The following C22orf31 variants were observed in gnomAD, a reference collection of about 807,000 sequenced individuals.
C22orf31 encodes the protein uncharacterized protein C22orf31.
A neutral mutation model predicts 15.0 loss-of-function variants in C22orf31; 11 were observed. That is an observed-to-expected ratio of 0.73 (90% CI 0.46 to 1.21). The LOEUF is 1.21. C22orf31 is among the 50% of genes most tolerant of loss of function. C22orf31 has a pLI of 0.00. For missense variants in C22orf31, 340 were observed against 347.2 expected (o/e 0.98, Z 0.17); for synonymous variants, 132 against 133.3 (o/e 0.99, Z 0.07).
At chr22:29,059,566 C>T (rs750607490) in intron 2 of C22orf31, 44 of 393,160 alleles carry the variant, frequency 1.1e-4, no homozygotes, top group Non-Finnish European at 1.4e-4. Flanking sequence ...GCCGTTATCC[C>T]CCATTTAATA....
the C22orf31 span, chr22:29,073,303 G>C: frequency 3.8e-6 from 2 of 532,406 alleles, no homozygotes; most frequent in Non-Finnish European, 5.2e-6. This position sits in a 1 kb window ranked among gnomAD's most constrained non-coding sequence, Gnocchi z 4.4. Context: ...GCCGGCCTGA[G>C]AGCCCCCTCC....
upstream of C22orf31, among the ~76,000 whole-genome samples, chr22:29,066,195 G>T (rs937312236): frequency 1.3e-5 from 2 of 151,992 alleles, no homozygotes; most frequent in African/African-American, 4.8e-5. Context: ...TTATGGCCCT[G>T]CCCCACCCAT....
upstream of C22orf31, among the ~76,000 whole-genome samples, chr22:29,066,079 A>G (rs1263146046): frequency 6.6e-6 from 1 of 150,972 alleles, no homozygotes; most frequent in Admixed American, 6.6e-5. Flanking sequence ...TTCCTTTACT[A>G]CGACCTTTCT....
Position 29,060,853 on chromosome 22 carries a change from T to C in C22orf31, c.4-10A>G, listed in dbSNP as rs1569304492. 3 of 1,602,330 alleles carry C rather than the reference T, an allele frequency of 1.9e-6. No homozygotes were observed. The highest frequency in any genetic ancestry group is 1.3e-5 in the African/African-American group (1 of 74,542). On this transcript the variant is annotated splice_polypyrimidine_tract_variant and intron_variant, in intron 1 of 2. Coordinates refer to ENST00000216071, the MANE Select transcript of C22orf31 (RefSeq NM_015370.2). The stretch of plus-strand genomic sequence containing the variant: ...TCACATTGATTGGGTGCTAGAATTA[T>C]AAGGAGGGAGAAATGAATTTTAAAA...
At chr22:29,072,715 G>T in the C22orf31 span, among the ~76,000 whole-genome samples, 1 of 152,198 alleles carries the variant, frequency 6.6e-6, no homozygotes, top group Non-Finnish European at 1.5e-5. Context: ...GTCACTGGGA[G>T]CCCGGCCTAT....
At chr22:29,060,990 C>T (rs2037385275) in intron 1 of C22orf31, 147 bp from the exon 2 acceptor site, 2 of 673,396 alleles carry the variant, frequency 3.0e-6, no homozygotes, top group Non-Finnish European at 5.0e-6. Context: ...ATGTCCTCTC[C>T]TGTTCACCAA....
chr22:29,060,576 G>A lies in C22orf31; in HGVS notation c.271C>T (p.Pro91Ser), dbSNP rs780116348. The A allele has an allele frequency of 5.0e-6, 8 of 1,614,126 alleles. No individual in the cohort carries two copies. The highest frequency in any genetic ancestry group is 2.2e-5 in the East Asian group (1 of 44,884). The change falls in exon 2 of 3, where the codon CCA becomes TCA. Residue 91 changes from proline to serine, a missense_variant. Physicochemically the swap from Pro to Ser is moderately conservative, Grantham distance 74. Coordinates refer to ENST00000216071, the MANE Select transcript of C22orf31 (RefSeq NM_015370.2). ...LRRQLKNKCCPPPCKFGEGKL... is the reference protein window; with the variant it reads ...LRRQLKNKCCSPPCKFGEGKL... ...CCTTCTCCAAACTTGCATGGTGGTG[G>A]GCAGCACTTATTCTTCAGTTGCCGC... is the stretch of plus-strand genomic sequence containing the variant.
chr22:29,071,451 C>A, the C22orf31 span, among the ~76,000 whole-genome samples: 2 of 151,722 alleles, frequency 1.3e-5, no homozygotes, highest in African/African-American at 4.8e-5. Context: ...GGGGGTGGCG[C>A]CCGGGGGTTG....
At chr22:29,062,441 G>A (rs758403838), upstream of C22orf31, among the ~76,000 whole-genome samples, 4 of 152,148 alleles carry the variant, frequency 2.6e-5, no homozygotes, top group Non-Finnish European at 5.9e-5. Context: ...TACATCCCAT[G>A]GCAAATGCAG....
At chr22:29,066,857 AGC>A in the C22orf31 span, among the ~76,000 whole-genome samples, 75 of 151,992 alleles carry the variant, frequency 4.9e-4, 2 homozygotes, top group Admixed American at 1.0e-3. Context: ...CACCGCGCCC[AGC>A]CAACGCCTCC....
Position 29,058,740 on chromosome 22 carries a change from T to G in C22orf31, c.*2A>C, listed in dbSNP as rs777861593. 5 of 1,601,660 alleles carry G rather than the reference T, an allele frequency of 3.1e-6. No homozygotes were observed. In the South Asian group the frequency reaches 5.6e-5, roughly 18 times the overall value. ...ATACTCTAATCCCATGAGTTCTTGT[T>G]CCTATTTTTTGCTCTTTAACTTGGG... On this transcript the variant is annotated 3_prime_UTR_variant, in exon 3 of 3. Coordinates refer to ENST00000216071, the MANE Select transcript of C22orf31 (RefSeq NM_015370.2).
rs1248701859 is a variant in C22orf31, at chr22:29,059,121, G to T, written c.494C>A (p.Ala165Asp). The part of the protein sequence containing the change: ...TVRQDLEDRY[A>D]EHVAATQALP... Reference sequence around the variant, plus strand: ...CGCTTGGGTGGCAGCCACATGTTCAGCATATCTGTCCTCAAGATCTTGGCG... The same window carrying T: ...CGCTTGGGTGGCAGCCACATGTTCATCATATCTGTCCTCAAGATCTTGGCG... The change falls in exon 3 of 3, where the codon GCT becomes GAT. Residue 165 changes from alanine (A) to aspartate (D), a missense_variant. Transcript: ENST00000216071. 6.2e-7 allele frequency: 1 copy of T among 1,613,956 alleles called. No individual in the cohort carries two copies.
chr22:29,061,992 T>C (rs1181619723), upstream of C22orf31: 3 of 519,622 alleles, frequency 5.8e-6, no homozygotes, highest in Admixed American at 1.1e-4. Flanking sequence ...CTTTGAGCCA[T>C]TATCTCTAGT....
At chr22:29,060,180 T>A (rs1479987374) in intron 2 of C22orf31, among the ~76,000 whole-genome samples, 1 of 150,492 alleles carries the variant, frequency 6.6e-6, no homozygotes, top group Admixed American at 6.6e-5. Flanking sequence ...CACAGGCATG[T>A]GCATCATGCC....
the C22orf31 span, among the ~76,000 whole-genome samples, chr22:29,070,994 C>G: frequency 6.6e-6 from 1 of 152,122 alleles, no homozygotes; most frequent in East Asian, 1.9e-4. Context: ...GGGCTGAGAG[C>G]TTCACCTGCA....
At position 29,058,734 on chromosome 22, in the gene C22orf31, T is replaced by C. The variant is rs755205375; in HGVS notation, c.*8A>G. ...CAGAGAATACTCTAATCCCATGAGTTCTTGTTCCTATTTTTTGCTCTTTAA... is the reference window on the plus strand; with the variant it reads ...CAGAGAATACTCTAATCCCATGAGTCCTTGTTCCTATTTTTTGCTCTTTAA... On this transcript the variant is annotated 3_prime_UTR_variant, in exon 3 of 3. Transcript: ENST00000216071. 1 of 1,597,954 alleles carries C rather than the reference T, an allele frequency of 6.3e-7. No individual in the cohort carries two copies. The highest frequency in any genetic ancestry group is 2.2e-5 in the East Asian group (1 of 44,774).
upstream of C22orf31, among the ~76,000 whole-genome samples, chr22:29,064,326 C>T (rs2037414645): frequency 6.6e-6 from 1 of 152,138 alleles, no homozygotes; most frequent in Admixed American, 6.6e-5. Context: ...TGATGGCATC[C>T]CAGATCCATC....
At chr22:29,061,652 C>T (rs189868891) in intron 1 of C22orf31, 138 bp downstream of exon 1, 40 of 623,102 alleles carry the variant, frequency 6.4e-5, no homozygotes, top group Admixed American at 1.8e-4. Flanking sequence ...AAAAGCAACA[C>T]GAAAACATTA....
chr22:29,064,645 C>A (rs1000983241), upstream of C22orf31, among the ~76,000 whole-genome samples: 2 of 142,568 alleles, frequency 1.4e-5, no homozygotes, highest in African/African-American at 2.6e-5. Flanking sequence ...TCCCAAGTAG[C>A]TGGGATCACA....
Sources: gnomAD v4.1 joint callset for allele counts (sites outside exome capture counted in the v4.1 genomes callset) on GRCh38, gnomAD v4.1.1 for gene constraint, Gnocchi (gnomAD v3.1) non-coding constraint, MANE v1.5 for transcripts, NCBI Gene and HGNC (gene_info 2026-07-23, HGNC 2026-07-21) for gene names.